Variants in NEXMIF observed in about 807,000 individuals in gnomAD.
NEXMIF encodes XLMR protein related to neurite extension.
Under a neutral mutation model 62.1 loss-of-function variants are expected in NEXMIF, and 8 were observed. The observed-to-expected ratio is 0.13, with a 90% confidence interval of 0.08 to 0.23. The LOEUF (loss-of-function observed/expected upper bound fraction) is 0.23, where lower values mean the gene tolerates loss of function less well. NEXMIF is among the 10% of genes least tolerant of loss of function. NEXMIF has a pLI of 1.00. For missense variants in NEXMIF, 976 were observed against 1,113.3 expected (o/e 0.88, Z 1.75); for synonymous variants, 404 against 416.6 (o/e 0.97, Z 0.37).
At chrX:74,763,557 C>T (rs187659987) in intron 1 of NEXMIF, among the ~76,000 whole-genome samples, 1,436 of 111,686 alleles carry the variant, frequency 0.013, 8 homozygotes, top group Middle Eastern at 0.023. Flanking sequence ...TTACCTTGGG[C>T]AGTATGGCCA....
chrX:74,906,034 C>G (rs1295352079), intron 1 of NEXMIF, among the ~76,000 whole-genome samples: 1 of 109,955 alleles, frequency 9.1e-6, no homozygotes, highest in Non-Finnish European at 1.9e-5. Flanking sequence ...CTTTGGGAGG[C>G]TGACGTGGAA....
Position 74,762,810 on chromosome X carries a change from T to G in NEXMIF, c.-47-17113A>C, listed in dbSNP as rs180759851. On this transcript the variant is annotated intron_variant, in intron 1 of 3. Transcript: ENST00000055682. ...TCCTTCACCCACTTTTTGATGGGGT[T>G]GTTTGTTTTTTTTTCTTGTAAATTT... is the stretch of plus-strand genomic sequence containing the variant. Among the ~76,000 whole-genome samples the G allele has an allele frequency of 1.4e-4, 16 of 111,713 alleles. No homozygotes were observed. In the East Asian group the frequency reaches 2.0e-3, roughly 14 times the overall value.
intron 1 of NEXMIF, among the ~76,000 whole-genome samples, chrX:74,904,668 G>A (rs1367606230): frequency 2.7e-5 from 3 of 110,867 alleles, no homozygotes; most frequent in Non-Finnish European, 5.7e-5. Context: ...TAATTTTTAC[G>A]ATGAAAAATT....
chrX:74,742,196 A>G lies in NEXMIF; in HGVS notation c.2361T>C (p.Phe787=). The change falls in exon 3 of 4, where the codon TTT becomes TTC. Residue 787 remains phenylalanine (F), a synonymous_variant. Coordinates refer to ENST00000055682, the MANE Select transcript of NEXMIF (RefSeq NM_001008537.3). Reference sequence around the variant, plus strand: ...TTTCAGAAGAGCATGTCGTTGGTAGAAAAGTGGAACTCTTAGCAGCCTTTG... The same window carrying G: ...TTTCAGAAGAGCATGTCGTTGGTAGGAAAGTGGAACTCTTAGCAGCCTTTG... The part of the protein sequence containing the change: ...HEAKAAKSST[F]LPTTCSSEMP... 7 of 1,211,747 alleles carry G rather than the reference A, an allele frequency of 5.8e-6. No individual in the cohort carries two copies. The highest frequency in any genetic ancestry group is 7.8e-6 in the Non-Finnish European group (7 of 895,354).
Position 74,884,230 on chromosome X carries a change from G to A in NEXMIF, c.-48+40653C>T, listed in dbSNP as rs181053982. 2.7e-3 allele frequency among the ~76,000 whole-genome samples: 305 copies of A among 111,983 alleles called. 2 individuals carry two copies. The highest frequency in any genetic ancestry group is 4.3e-3 in the Non-Finnish European group (231 of 53,241). ...AGACCACCCAGGCTAGGAAGAAACT[G>A]CATCAACTAATGAGCAAAATAACCA... On this transcript the variant is annotated intron_variant, in intron 1 of 3. Transcript: ENST00000055682.
At chrX:74,791,728 T>G (rs377582664) in intron 1 of NEXMIF, among the ~76,000 whole-genome samples, 4 of 110,212 alleles carry the variant, frequency 3.6e-5, no homozygotes, top group African/African-American at 1.3e-4. Flanking sequence ...GACGAGGAAT[T>G]TATCCATTTC....
chrX:74,787,877 C>T (rs1422041167), intron 1 of NEXMIF, among the ~76,000 whole-genome samples: 1 of 111,499 alleles, frequency 9.0e-6, no homozygotes, highest in African/African-American at 3.3e-5. Context: ...GTACACTCCT[C>T]AAACCTTCCT....
chrX:74,801,166 G>A (rs1390605951), intron 1 of NEXMIF, among the ~76,000 whole-genome samples: 1 of 111,650 alleles, frequency 9.0e-6, no homozygotes, highest in Non-Finnish European at 1.9e-5. Context: ...TTTCTTTTCA[G>A]TGCTGAATAA....
chrX:74,831,864 T>C (rs2080438773), intron 1 of NEXMIF, among the ~76,000 whole-genome samples: 1 of 112,267 alleles, frequency 8.9e-6, no homozygotes, highest in Non-Finnish European at 1.9e-5. Flanking sequence ...CAGTATCAAC[T>C]GAAATGATCA....
At chrX:74,788,573 G>C (rs2080267693) in intron 1 of NEXMIF, among the ~76,000 whole-genome samples, 1 of 110,921 alleles carries the variant, frequency 9.0e-6, no homozygotes, top group African/African-American at 3.3e-5. Context: ...CCTTTACTTT[G>C]CAATGAGGTC....
intron 1 of NEXMIF, among the ~76,000 whole-genome samples, chrX:74,765,773 CCT>C (rs2080192828): frequency 9.3e-6 from 1 of 107,942 alleles, no homozygotes; most frequent in South Asian, 4.2e-4. Context: ...TGCCTGTAAT[CCT>C]AGCACTTTGG....
chrX:74,821,114 C>T (rs1404495167), intron 1 of NEXMIF, among the ~76,000 whole-genome samples: 3 of 109,694 alleles, frequency 2.7e-5, no homozygotes, highest in Non-Finnish European at 5.7e-5. Context: ...AAAAAAAAAT[C>T]TCTCATACTT....
chrX:74,814,123 G>T (rs1002350894), intron 1 of NEXMIF, among the ~76,000 whole-genome samples: 3 of 111,456 alleles, frequency 2.7e-5, no homozygotes, highest in Non-Finnish European at 3.8e-5. Flanking sequence ...CCAGGATATT[G>T]ACATGATATT....
At chrX:74,766,895 G>T (rs1254062384) in intron 1 of NEXMIF, among the ~76,000 whole-genome samples, 2 of 111,831 alleles carry the variant, frequency 1.8e-5, no homozygotes, top group Non-Finnish European at 3.8e-5. Context: ...GATTGAAGTG[G>T]TCAGGCAGGG....
chrX:74,761,162 G>T (rs2080174777), intron 1 of NEXMIF, among the ~76,000 whole-genome samples: 1 of 110,989 alleles, frequency 9.0e-6, no homozygotes, highest in Non-Finnish European at 1.9e-5. Context: ...GACCCCCAAT[G>T]CCTGGCCCAA....
chrX:74,797,217 G>A (rs962797724), intron 1 of NEXMIF, among the ~76,000 whole-genome samples: 3 of 111,837 alleles, frequency 2.7e-5, no homozygotes, highest in African/African-American at 9.7e-5. Flanking sequence ...AGAAGACTAA[G>A]GACACATGAT....
At chrX:74,879,970 A>G (rs1341484824) in intron 1 of NEXMIF, among the ~76,000 whole-genome samples, 1 of 112,008 alleles carries the variant, frequency 8.9e-6, no homozygotes, top group African/African-American at 3.2e-5. Flanking sequence ...ACTCAAACGC[A>G]TTCTCTAATT....
intron 1 of NEXMIF, among the ~76,000 whole-genome samples, chrX:74,796,034 AG>A (rs2080305316): frequency 1.0e-5 from 1 of 95,500 alleles, no homozygotes. Flanking sequence ...ATAAAAAGAA[AG>A]GAAGGCTAGA....
chrX:74,917,366 T>C (rs1381986364), intron 1 of NEXMIF, among the ~76,000 whole-genome samples: 2 of 112,116 alleles, frequency 1.8e-5, no homozygotes, highest in African/African-American at 6.5e-5. Flanking sequence ...ATGCTTCTTG[T>C]ACAGCCTGTG....
Sources: gnomAD v4.1 joint callset for allele counts (sites outside exome capture counted in the v4.1 genomes callset) on GRCh38, gnomAD v4.1.1 for gene constraint, MANE v1.5 for transcripts, NCBI Gene and HGNC (gene_info 2026-07-23, HGNC 2026-07-21) for gene names.